Variants in ZNF282 observed in about 807,000 individuals in gnomAD.
ZNF282 encodes zinc finger protein 282, also known as HTLV-I U5 repressive element-binding protein 1.
In ZNF282, 30 loss-of-function variants were observed where a neutral mutation model predicts 61.9. The observed-to-expected ratio is 0.48, with a 90% CI of 0.36 to 0.66. The LOEUF (loss-of-function observed/expected upper bound fraction) is 0.66. Among genes scored for constraint, ZNF282 ranks in the 30% least tolerant of loss-of-function variants. The pLI, the probability that ZNF282 is intolerant of heterozygous loss-of-function variation, is 0.00. For missense variants in ZNF282, 788 were observed against 941.4 expected, an observed-to-expected ratio of 0.84 and a Z score of 2.13; for synonymous variants, 396 against 405.0, an observed-to-expected ratio of 0.98 and a Z score of 0.27.
chr7:149,224,753 G>A lies in ZNF282; in HGVS notation c.*106G>A. Reference sequence around the variant, plus strand: ...GCCACCGTCTGGAAATCGGCAACAGGCATTGCACTCCGGTTGGGGGTCCCC... The same window carrying A: ...GCCACCGTCTGGAAATCGGCAACAGACATTGCACTCCGGTTGGGGGTCCCC... On this transcript the variant is annotated 3_prime_UTR_variant, in exon 8 of 8. Transcript: ENST00000610704. 3 of 1,431,530 alleles carry A rather than the reference G, an allele frequency of 2.1e-6. No homozygotes were observed. The highest frequency in any genetic ancestry group is 2.8e-5 in the Admixed American group (1 of 35,362). The allele number at this position is 1,431,530 out of a possible 1,614,324, so 88.7% of individuals were successfully genotyped here.
intron 2 of ZNF282, among the ~76,000 whole-genome samples, chr7:149,204,031 G>GT (rs1335348574): frequency 2.0e-5 from 3 of 152,146 alleles, no homozygotes; most frequent in Non-Finnish European, 4.4e-5. Context: ...GTCCCATGAG[G>GT]TTACAGTCAA....
intron 7 of ZNF282, among the ~76,000 whole-genome samples, chr7:149,222,957 T>C (rs1023704869): frequency 6.7e-6 from 1 of 149,752 alleles, no homozygotes; most frequent in East Asian, 2.0e-4. Flanking sequence ...TTTTAAATTG[T>C]ATTTTATTTA....
chr7:149,213,910 C>A, intron 7 of ZNF282, 96 bp downstream of exon 7: 2 of 793,682 alleles, frequency 2.5e-6, no homozygotes, highest in Non-Finnish European at 4.1e-6. Flanking sequence ...GCTCACCCCT[C>A]GTAGGGTGAT....
chr7:149,197,463 G>GT (rs1314497401), intron 1 of ZNF282, among the ~76,000 whole-genome samples: 3 of 152,250 alleles, frequency 2.0e-5, no homozygotes, highest in African/African-American at 4.8e-5. Context: ...AATGTGGTGG[G>GT]TTTTTTTGTT....
intron 3 of ZNF282, 46 bp downstream of exon 3, chr7:149,206,868 G>T: frequency 6.2e-7 from 1 of 1,607,882 alleles, no homozygotes; most frequent in South Asian, 1.1e-5. Context: ...TCTGCAGAGG[G>T]TTGTGAAATG....
chr7:149,217,272 C>T (rs1326767093), intron 7 of ZNF282, among the ~76,000 whole-genome samples: 1 of 152,210 alleles, frequency 6.6e-6, no homozygotes, highest in Non-Finnish European at 1.5e-5. Flanking sequence ...TGTGGTAGCT[C>T]AGGCCTGTAA....
Position 149,210,702 on chromosome 7 carries a change from C to T in ZNF282, c.950C>T (p.Thr317Ile), listed in dbSNP as rs1364961503. 3 of 1,588,704 alleles carry T rather than the reference C, an allele frequency of 1.9e-6. No homozygotes were observed. Among genetic ancestry groups the T allele is most frequent in the East Asian group, 4.5e-5 (2 of 44,338 alleles). ...AGAGCCATCCCTACGGAATCCATTA[C>T]CGGTGAGTGAGCCAAGCAGCCGTCC... ...EERAIPTESI[T>I]DSPISAQDLL... Residue 317 changes from threonine to isoleucine, a missense_variant and splice_region_variant, in exon 5 of 8, where the codon ACC (threonine) becomes ATC (isoleucine). Around this residue, in one of 3 missense-constraint regions of ZNF282, gnomAD observed 559 missense variants for 642.0 expected, o/e 0.87. Transcript: ENST00000610704.
At chr7:149,215,498 C>T (rs970800008) in intron 7 of ZNF282, among the ~76,000 whole-genome samples, 2 of 152,096 alleles carry the variant, frequency 1.3e-5, no homozygotes. Flanking sequence ...CCATAGTGCC[C>T]AGTGCTGACA....
rs544985134 is a variant in ZNF282 at position 149,224,615 on chromosome 7, C to G, written c.1984C>G (p.Arg662Gly). Residue 662 changes from arginine (R) to glycine (G), a missense_variant, in exon 8 of 8, where the codon CGG becomes GGG. By Grantham distance (125) the Arg-to-Gly change is moderately radical (BLOSUM62 -2). This residue lies in a region of ZNF282 where 559 missense variants were observed against 642.0 expected (regional missense o/e 0.87). Transcript: ENST00000610704. ...CGGCGGCCCGGGCCCCGGCGCCCCA[C>G]GGCAGCTCCCGCCGCCTCCTGAGCG... ...HSGGPGPGAP[R>G]QLPPPPERD 6 of 1,543,016 alleles carry G rather than the reference C, an allele frequency of 3.9e-6. No individual in the cohort carries two copies. In the South Asian group the frequency reaches 5.9e-5, roughly 15 times the overall value.
chr7:149,214,439 C>T (rs1796132571), intron 7 of ZNF282, among the ~76,000 whole-genome samples: 1 of 151,942 alleles, frequency 6.6e-6, no homozygotes, highest in African/African-American at 2.4e-5. Flanking sequence ...CAATTTAACC[C>T]TTTATGGCAG....
At chr7:149,201,826 C>T (rs1438477461) in intron 2 of ZNF282, among the ~76,000 whole-genome samples, 1 of 152,132 alleles carries the variant, frequency 6.6e-6, no homozygotes, top group African/African-American at 2.4e-5. Flanking sequence ...GTTTATGGCC[C>T]ACGCTCTCTT....
intron 1 of ZNF282, among the ~76,000 whole-genome samples, chr7:149,196,814 T>TA: frequency 6.6e-6 from 1 of 152,132 alleles, no homozygotes; most frequent in Non-Finnish European, 1.5e-5. Context: ...TTACTGGTAT[T>TA]ACAGGGCCTG....
chr7:149,224,657 G>C lies in ZNF282; in HGVS notation c.*10G>C. The C allele has an allele frequency of 6.7e-7, 1 of 1,500,018 alleles. No individual in the cohort carries two copies. The highest frequency in any genetic ancestry group is 2.1e-5 in the Admixed American group (1 of 47,006). The allele number at this position is 1,500,018 out of a possible 1,614,324, so 92.9% of individuals were successfully genotyped here. On this transcript the variant is annotated 3_prime_UTR_variant, in exon 8 of 8. Transcript: ENST00000610704. Reference sequence around the variant, plus strand: ...TCCTGAGCGAGACTAGGGCTGGGCTGGGGGAGGGCAGGGCCGGACGGAGTG... The same window carrying C: ...TCCTGAGCGAGACTAGGGCTGGGCTCGGGGAGGGCAGGGCCGGACGGAGTG...
chr7:149,206,103 C>T (rs928812578), intron 2 of ZNF282, among the ~76,000 whole-genome samples: 3 of 152,136 alleles, frequency 2.0e-5, no homozygotes, highest in African/African-American at 7.2e-5. Flanking sequence ...CGCGACGACT[C>T]GGGCCGCAGT....
intron 7 of ZNF282, among the ~76,000 whole-genome samples, chr7:149,222,876 G>A (rs1450576666): frequency 6.6e-6 from 1 of 152,174 alleles, no homozygotes; most frequent in Non-Finnish European, 1.5e-5. Flanking sequence ...TCGATCTCTT[G>A]ACCTCGTGAT....
intron 7 of ZNF282, 148 bp downstream of exon 7, chr7:149,213,962 C>A: frequency 3.3e-6 from 2 of 599,940 alleles, no homozygotes; most frequent in East Asian, 5.6e-5. Context: ...CACCAAAGCA[C>A]TCCCATTCTT....
At chr7:149,208,856 TAAA>T (rs1796036982) in intron 4 of ZNF282, among the ~76,000 whole-genome samples, 2 of 148,924 alleles carry the variant, frequency 1.3e-5, no homozygotes, top group African/African-American at 5.0e-5. Context: ...CCGTCCCTAC[TAAA>T]AAATACAAAA....
intron 7 of ZNF282, among the ~76,000 whole-genome samples, chr7:149,214,878 A>G (rs1476089846): frequency 1.3e-5 from 2 of 152,136 alleles, no homozygotes; most frequent in Non-Finnish European, 2.9e-5. Context: ...TACCCCAGGC[A>G]TCCCTGAGCT....
Position 149,224,411 on chromosome 7 carries a change from C to A in ZNF282, c.1780C>A (p.Arg594=). The A allele has an allele frequency of 6.2e-7, 1 of 1,613,954 alleles. No individual in the cohort carries two copies. Among genetic ancestry groups the A allele is most frequent in the South Asian group, 1.1e-5 (1 of 91,086 alleles). Residue 594 remains arginine (R), a synonymous_variant, in exon 8 of 8, where the codon CGG becomes AGG. Coordinates refer to ENST00000610704, the MANE Select transcript of ZNF282 (RefSeq NM_003575.4). ...SRKEHLQNHQ[R]LHTGERPFQC... ...TAAGGAGCACCTGCAGAACCACCAG[C>A]GGCTGCACACGGGCGAGCGGCCTTT... is the stretch of plus-strand genomic sequence containing the variant.
Sources: gnomAD v4.1 joint callset for allele counts (sites outside exome capture counted in the v4.1 genomes callset) on GRCh38, gnomAD v4.1.1 for gene constraint, gnomAD v4.1.1 regional missense constraint, MANE v1.5 for transcripts, NCBI Gene and HGNC (gene_info 2026-07-23, HGNC 2026-07-21) for gene names.